The following LRRC36 variants were observed in gnomAD, a reference collection of about 807,000 sequenced individuals.
The protein encoded by LRRC36 is leucine-rich repeat-containing protein 36.
LRRC36 carries 62 observed loss-of-function variants against 81.1 expected under a neutral mutation model. The ratio of observed to expected loss-of-function variants is 0.76; its 90% CI spans 0.62 to 0.94. The LOEUF is 0.94. LRRC36 is among the 40% of genes least tolerant of loss of function. The pLI is 0.00. For missense variants in LRRC36, 761 were observed against 881.7 expected, an observed-to-expected ratio of 0.86 and a Z score of 1.73; for synonymous variants, 334 against 348.6, an observed-to-expected ratio of 0.96 and a Z score of 0.47.
intron 12 of LRRC36, among the ~76,000 whole-genome samples, chr16:67,381,224 G>A (rs1054027132): frequency 2.1e-5 from 2 of 97,526 alleles, no homozygotes; most frequent in Admixed American, 2.5e-4. Flanking sequence ...ACAAAACTCT[G>A]CCTCAGAAAA....
chr16:67,343,781 A>G (rs1258249289), intron 2 of LRRC36, among the ~76,000 whole-genome samples: 1 of 151,774 alleles, frequency 6.6e-6, no homozygotes, highest in South Asian at 2.1e-4. Context: ...GGAAGCACTC[A>G]GTAATGTTAG....
intron 12 of LRRC36, among the ~76,000 whole-genome samples, chr16:67,380,993 G>T (rs1194580362): frequency 6.6e-6 from 1 of 152,176 alleles, no homozygotes; most frequent in Non-Finnish European, 1.5e-5. Flanking sequence ...GGAGGCTGGG[G>T]TGGGTGGATC....
At chr16:67,353,065 G>A (rs2038731913) in intron 5 of LRRC36, among the ~76,000 whole-genome samples, 1 of 151,952 alleles carries the variant, frequency 6.6e-6, no homozygotes, top group Non-Finnish European at 1.5e-5. Flanking sequence ...ACCTGCACTG[G>A]TCTCTCTCTG....
At position 67,385,030 on chromosome 16, in the gene LRRC36, GA is replaced by G; in HGVS notation, c.2207del (p.Glu736GlyfsTer6). 6.2e-7 allele frequency: 1 copy of G among 1,614,202 alleles called. No individual in the cohort carries two copies. Among genetic ancestry groups the G allele is most frequent in the Non-Finnish European group, 8.5e-7 (1 of 1,180,044 alleles). ...GTCTTCCTCCTCACCAGTGGCACAT[GA>G]GACTGGTCAGTATCTAATACAGAGC... ...TLSSSSPVAH[E>X]TGQYLIQSVL... On this transcript the variant is annotated frameshift_variant, in exon 14 of 14. Coordinates refer to ENST00000329956, the MANE Select transcript of LRRC36 (RefSeq NM_018296.6). LOFTEE classifies it high-confidence loss of function.
chr16:67,369,543 G>C (rs1473972752), intron 8 of LRRC36, among the ~76,000 whole-genome samples: 1 of 152,206 alleles, frequency 6.6e-6, no homozygotes, highest in Non-Finnish European at 1.5e-5. Context: ...AGGCAGTAAA[G>C]TTACTGAATA....
At chr16:67,362,287 C>T (rs1370731157) in intron 5 of LRRC36, 17 of 422,420 alleles carry the variant, frequency 4.0e-5, no homozygotes, top group African/African-American at 6.3e-5. Context: ...CTCAGCCTAG[C>T]GAGCAGCTGG....
intron 10 of LRRC36, 102 bp downstream of exon 10, chr16:67,375,514 G>C (rs2039857838): frequency 1.0e-6 from 1 of 973,782 alleles, no homozygotes. Context: ...AAGGAAAGTT[G>C]TTCTCATGAT....
intron 5 of LRRC36, among the ~76,000 whole-genome samples, chr16:67,350,516 A>G (rs1050047106): frequency 4.6e-5 from 7 of 152,284 alleles, no homozygotes; most frequent in African/African-American, 1.7e-4. Context: ...GGAGAGTTCA[A>G]TTTCATTTAC....
intron 1 of LRRC36, among the ~76,000 whole-genome samples, chr16:67,328,429 C>T (rs2037311134): frequency 6.6e-6 from 1 of 152,192 alleles, no homozygotes; most frequent in South Asian, 2.1e-4. Context: ...AGGAGAATGG[C>T]GTGAACCCAG....
At chr16:67,381,154 G>A (rs1050648402) in intron 12 of LRRC36, among the ~76,000 whole-genome samples, 4 of 150,584 alleles carry the variant, frequency 2.7e-5, no homozygotes, top group African/African-American at 9.8e-5. Context: ...AACCCAGGAG[G>A]TGGAGGTTGC....
chr16:67,384,881 T>G lies in LRRC36; in HGVS notation c.2057T>G (p.Val686Gly). The G allele has an allele frequency of 6.2e-7, 1 of 1,614,070 alleles. No homozygotes were observed. The highest frequency in any genetic ancestry group is 8.5e-7 in the Non-Finnish European group (1 of 1,179,904). ...ILHESQRSLVVTNEYLLQQLN... is the reference protein window; with the variant it reads ...ILHESQRSLVGTNEYLLQQLN... ...CCCTTGGGCCTCAGATCCCTGGTGG[T>G]AACTAATGAGTATCTGCTGCAGCAG... is the stretch of plus-strand genomic sequence containing the variant. Residue 686 changes from valine (V) to glycine (G), a missense_variant, in exon 14 of 14, where the codon GTA becomes GGA. By Grantham distance (109) the Val-to-Gly change is moderately radical. This residue lies in a region of LRRC36 where 359 missense variants were observed against 388.4 expected (regional missense o/e 0.92). Transcript: ENST00000329956.
intron 1 of LRRC36, 92 bp downstream of exon 1, chr16:67,327,024 A>G: frequency 8.9e-7 from 1 of 1,123,796 alleles, no homozygotes; most frequent in Non-Finnish European, 1.2e-6. Context: ...CCTGAGATAG[A>G]GGCGAGGGAA....
At chr16:67,375,188 A>G in intron 9 of LRRC36, 59 bp from the exon 10 acceptor site, 2 of 1,560,610 alleles carry the variant, frequency 1.3e-6, no homozygotes, top group Non-Finnish European at 1.7e-6. Context: ...TTATTGTGTA[A>G]GAATGACAAA....
At position 67,367,168 on chromosome 16, in the gene LRRC36, C is replaced by G; in HGVS notation, c.906C>G (p.Thr302=). Residue 302 remains threonine, a synonymous_variant, in exon 8 of 14, where the codon ACC becomes ACG. Coordinates refer to ENST00000329956, the MANE Select transcript of LRRC36 (RefSeq NM_018296.6). ...LIPKPDTFHL[T]HDASLSKCLD... is the part of the protein sequence containing the mutation. ...CAAAACCTGATACTTTTCATCTTAC[C>G]CATGATGCCTCATTGAGTAAATGCC... 6.2e-7 allele frequency: 1 copy of G among 1,614,100 alleles called. No individual in the cohort carries two copies. Among genetic ancestry groups the G allele is most frequent in the South Asian group, 1.1e-5 (1 of 91,072 alleles).
At position 67,330,411 on chromosome 16, in the gene LRRC36, G is replaced by A. The variant is rs541545229; in HGVS notation, c.70+3479G>A. On this transcript the variant is annotated intron_variant, in intron 1 of 13. Coordinates refer to ENST00000329956, the MANE Select transcript of LRRC36 (RefSeq NM_018296.6). ...ACATCAACTGTTTGCTTATCCTGAG[G>A]TACAGTTTGTATAGGAAAGGCAGCA... Among the ~76,000 whole-genome samples, 244 of 152,160 alleles carry A rather than the reference G, an allele frequency of 1.6e-3. 2 individuals carry two copies. The highest frequency in any genetic ancestry group is 4.6e-3 in the African/African-American group (193 of 41,516).
Position 67,384,753 on chromosome 16 carries a change from C to A in LRRC36, c.2046-117C>A, listed in dbSNP as rs944488364. 7 of 691,052 alleles carry A rather than the reference C, an allele frequency of 1.0e-5. No individual in the cohort carries two copies. In the African/African-American group the frequency reaches 1.1e-4, roughly 11 times the overall value. 42.8% of individuals were successfully genotyped at this position (691,052 alleles called of 1,614,324 possible). On this transcript the variant is annotated intron_variant, in intron 13 of 13. Coordinates refer to ENST00000329956, the MANE Select transcript of LRRC36 (RefSeq NM_018296.6). ...TAACTCAATCATAAATTGGACAGTT[C>A]CTTCTATTTAAAGATGTGACTTCAT... is the stretch of plus-strand genomic sequence containing the variant.
intron 8 of LRRC36, among the ~76,000 whole-genome samples, chr16:67,369,227 G>A (rs2039533196): frequency 1.3e-5 from 2 of 152,194 alleles, no homozygotes; most frequent in South Asian, 4.1e-4. Context: ...CTGGTCCTGA[G>A]CCCTCCAACA....
At chr16:67,357,908 G>C (rs1482819611) in intron 5 of LRRC36, among the ~76,000 whole-genome samples, 1 of 152,126 alleles carries the variant, frequency 6.6e-6, no homozygotes, top group Admixed American at 6.5e-5. Context: ...CCTTTTCTCT[G>C]TTATTACAAA....
At chr16:67,380,432 AC>A (rs1416403531) in intron 12 of LRRC36, among the ~76,000 whole-genome samples, 1 of 152,216 alleles carries the variant, frequency 6.6e-6, no homozygotes, top group Admixed American at 6.5e-5. Context: ...TCTTGATTGT[AC>A]TACTTTATTA....
Sources: gnomAD v4.1 joint callset for allele counts (sites outside exome capture counted in the v4.1 genomes callset) on GRCh38, gnomAD v4.1.1 for gene constraint, gnomAD v4.1.1 regional missense constraint, MANE v1.5 for transcripts, NCBI Gene and HGNC (gene_info 2026-07-23, HGNC 2026-07-21) for gene names.